Variants in CCDC91 observed in about 807,000 individuals in gnomAD.
CCDC91 encodes coiled-coil domain-containing protein 91.
CCDC91 carries 48 observed loss-of-function variants against 63.2 expected under a neutral mutation model. That is an observed-to-expected ratio of 0.76 (90% confidence interval 0.60 to 0.97). CCDC91 has a LOEUF of 0.97. Ranked by LOEUF, CCDC91 falls within the 50% of genes least tolerant of loss-of-function variation. The pLI is 0.00. For missense variants in CCDC91, 500 were observed against 494.6 expected (o/e 1.01, Z -0.10); for synonymous variants, 167 against 165.8 (o/e 1.01, Z -0.06).
intron 6 of CCDC91, among the ~76,000 whole-genome samples, chr12:28,315,962 CAT>C (rs1465663080): frequency 6.6e-6 from 1 of 151,850 alleles, no homozygotes; most frequent in Non-Finnish European, 1.5e-5. Flanking sequence ...CATAGTGACT[CAT>C]ATAGAAATTC....
intron 6 of CCDC91, among the ~76,000 whole-genome samples, chr12:28,350,372 T>C (rs1943101367): frequency 6.6e-6 from 1 of 152,222 alleles, no homozygotes; most frequent in Non-Finnish European, 1.5e-5. Context: ...TTTTAGATGA[T>C]TAATTTAGAC....
At chr12:28,452,069 TATC>T (rs577678885) in intron 10 of CCDC91, among the ~76,000 whole-genome samples, 84 of 151,670 alleles carry the variant, frequency 5.5e-4, no homozygotes, top group Middle Eastern at 6.8e-3. Flanking sequence ...TATTTGTTAA[TATC>T]ATGCAATTAT....
intron 8 of CCDC91, among the ~76,000 whole-genome samples, chr12:28,408,135 GT>G (rs1947084260): frequency 6.6e-6 from 1 of 151,538 alleles, no homozygotes; most frequent in African/African-American, 2.4e-5. Flanking sequence ...CCTTCCCCTT[GT>G]CCCCCAACCC....
intron 6 of CCDC91, among the ~76,000 whole-genome samples, chr12:28,328,125 C>CT (rs571813718): frequency 2.0e-5 from 3 of 152,104 alleles, no homozygotes; most frequent in Non-Finnish European, 4.4e-5. Flanking sequence ...GTCAACATCT[C>CT]TAAGAATACA....
chr12:28,490,400 G>A (rs2140990170), intron 12 of CCDC91, among the ~76,000 whole-genome samples: 1 of 151,828 alleles, frequency 6.6e-6, no homozygotes, highest in Admixed American at 6.6e-5. Flanking sequence ...ATGCCAAAGG[G>A]AATTTAGCCT....
intron 3 of CCDC91, among the ~76,000 whole-genome samples, chr12:28,262,603 A>G (rs1203218329): frequency 2.0e-5 from 3 of 152,048 alleles, no homozygotes; most frequent in Admixed American, 6.6e-5. Flanking sequence ...CATTATTTAC[A>G]TAGTGAACTC....
At chr12:28,356,074 G>A (rs781366372) in intron 6 of CCDC91, among the ~76,000 whole-genome samples, 1 of 151,982 alleles carries the variant, frequency 6.6e-6, no homozygotes, top group Non-Finnish European at 1.5e-5. Flanking sequence ...TAGTTTGTGA[G>A]ACTGGGGATG....
At chr12:28,401,575 G>C (rs575181807) in intron 8 of CCDC91, among the ~76,000 whole-genome samples, 10 of 152,124 alleles carry the variant, frequency 6.6e-5, no homozygotes, top group Non-Finnish European at 1.5e-4. Flanking sequence ...TGAGGGAAGA[G>C]GGAAGCCTCT....
intron 6 of CCDC91, among the ~76,000 whole-genome samples, chr12:28,353,426 GC>G (rs1220700253): frequency 6.6e-6 from 1 of 152,170 alleles, no homozygotes; most frequent in African/African-American, 2.4e-5. Context: ...TGACCTGAGA[GC>G]CCTTGGTTTT....
At chr12:28,383,135 A>G (rs566095199) in intron 7 of CCDC91, among the ~76,000 whole-genome samples, 1 of 152,244 alleles carries the variant, frequency 6.6e-6, no homozygotes, top group African/African-American at 2.4e-5. Context: ...TCCCTTAACA[A>G]CAAGGCCAAC....
intron 6 of CCDC91, among the ~76,000 whole-genome samples, chr12:28,361,450 T>C (rs1477094393): frequency 6.6e-6 from 1 of 152,122 alleles, no homozygotes; most frequent in Admixed American, 6.5e-5. Flanking sequence ...TCTTACTACT[T>C]GTTTCACTTT....
chr12:28,374,862 T>C (rs543659470), intron 7 of CCDC91, among the ~76,000 whole-genome samples: 2 of 152,230 alleles, frequency 1.3e-5, no homozygotes, highest in South Asian at 4.1e-4. Context: ...TGTAACCCAA[T>C]CCATGTTTAA....
intron 12 of CCDC91, among the ~76,000 whole-genome samples, chr12:28,544,897 G>T (rs1942880237): frequency 6.6e-6 from 1 of 152,008 alleles, no homozygotes; most frequent in Non-Finnish European, 1.5e-5. Flanking sequence ...AAATTATTAA[G>T]AAGACATGCT....
intron 8 of CCDC91, among the ~76,000 whole-genome samples, chr12:28,436,225 T>C (rs562069565): frequency 3.9e-4 from 59 of 151,958 alleles, no homozygotes; most frequent in African/African-American, 1.1e-3. Context: ...TTTATATGAT[T>C]CTTTTTTTCT....
chr12:28,285,498 T>A (rs765095826), intron 3 of CCDC91, among the ~76,000 whole-genome samples: 1 of 151,928 alleles, frequency 6.6e-6, no homozygotes, highest in African/African-American at 2.4e-5. Context: ...TAAGTCATAT[T>A]ATGATCAAAA....
chr12:28,263,109 T>C (rs1299104418), intron 3 of CCDC91, among the ~76,000 whole-genome samples: 4 of 152,020 alleles, frequency 2.6e-5, no homozygotes, highest in African/African-American at 9.7e-5. Flanking sequence ...TATTTTTCTT[T>C]CAAGAAAAAG....
intron 1 of CCDC91, chr12:28,199,131 C>G (rs1942011329): frequency 6.6e-6 from 1 of 151,968 alleles, no homozygotes; most frequent in African/African-American, 2.4e-5. Flanking sequence ...CTGAGCTGGT[C>G]TTGAACTCCT....
chr12:28,453,846 A>G (rs951690834), intron 11 of CCDC91, among the ~76,000 whole-genome samples: 14 of 152,254 alleles, frequency 9.2e-5, no homozygotes, highest in African/African-American at 3.1e-4. Flanking sequence ...GACCCCGAAC[A>G]TTCCTGTAAC....
At chr12:28,325,624 TAAAAGATGA>T (rs1173842463) in intron 6 of CCDC91, among the ~76,000 whole-genome samples, 1 of 151,992 alleles carries the variant, frequency 6.6e-6, no homozygotes, top group African/African-American at 2.4e-5. Context: ...GGATTTCATT[TAAAAGATGA>T]CTTTAAAGCC....
Sources: gnomAD v4.1 joint callset for allele counts (sites outside exome capture counted in the v4.1 genomes callset) on GRCh38, gnomAD v4.1.1 for gene constraint, MANE v1.5 for transcripts, NCBI Gene and HGNC (gene_info 2026-07-23, HGNC 2026-07-21) for gene names.